The following ESRRB variants were observed in gnomAD, a reference collection of about 807,000 sequenced individuals.
ESRRB encodes the protein steroid hormone receptor ERR2.
In ESRRB, 16 loss-of-function variants were observed where a neutral mutation model predicts 46.0. That is an observed-to-expected ratio of 0.35 (90% CI 0.24 to 0.53). The LOEUF (loss-of-function observed/expected upper bound fraction) is 0.53, where lower values mean the gene tolerates loss of function less well. ESRRB is among the 20% of genes least tolerant of loss of function. The pLI, the probability that ESRRB is intolerant of heterozygous loss-of-function variation, is 0.93. For synonymous variants in ESRRB, 246 were observed against 259.6 expected (o/e 0.95, Z 0.50); for missense variants, 488 against 607.4 (o/e 0.80, Z 2.07).
At chr14:76,328,367 C>T (rs61979361) in intron 1 of ESRRB, among the ~76,000 whole-genome samples, 8,183 of 152,296 alleles carry the variant, frequency 0.054, 307 homozygotes, top group Middle Eastern at 0.14. Context: ...GATATACTGG[C>T]TGGGAGGTCC....
intron 1 of ESRRB, among the ~76,000 whole-genome samples, chr14:76,400,275 GAGATTT>G (rs1170658151): frequency 2.0e-5 from 3 of 152,196 alleles, no homozygotes; most frequent in African/African-American, 7.2e-5. Flanking sequence ...GGGAAAGGTA[GAGATTT>G]AGAAGTTTTG....
At chr14:76,429,289 G>A (rs117819846) in intron 1 of ESRRB, among the ~76,000 whole-genome samples, 1,573 of 152,252 alleles carry the variant, frequency 0.01, 15 homozygotes, top group Non-Finnish European at 0.015. Flanking sequence ...TTATCTGAAA[G>A]TCACCAGGGT....
intron 6 of ESRRB, among the ~76,000 whole-genome samples, chr14:76,492,085 A>C (rs144824279): frequency 1.3e-5 from 2 of 152,226 alleles, no homozygotes; most frequent in Non-Finnish European, 2.9e-5. Flanking sequence ...TCCCTACTCT[A>C]CAAGGCTATT....
At chr14:76,455,781 T>C (rs915469946) in intron 2 of ESRRB, among the ~76,000 whole-genome samples, 2 of 152,160 alleles carry the variant, frequency 1.3e-5, no homozygotes, top group Admixed American at 1.3e-4. Flanking sequence ...CAGTGGTTCA[T>C]GCCTGGAATC....
intron 1 of ESRRB, among the ~76,000 whole-genome samples, chr14:76,318,591 C>G (rs566170953): frequency 6.6e-6 from 1 of 152,342 alleles, no homozygotes; most frequent in East Asian, 1.9e-4. Flanking sequence ...CTCTCCACTT[C>G]ACACTCAGTT....
chr14:76,416,898 C>T (rs984778191), intron 1 of ESRRB, among the ~76,000 whole-genome samples: 1 of 152,100 alleles, frequency 6.6e-6, no homozygotes, highest in East Asian at 1.9e-4. Context: ...AGATGATAAA[C>T]GGAGAAGCAA....
At chr14:76,310,978 T>TTCTCTCCCTCTCTCTCTC (rs1883723952) in intron 1 of ESRRB, 3 of 323,508 alleles carry the variant, frequency 9.3e-6, no homozygotes, top group African/African-American at 5.7e-5. Flanking sequence ...TCTGTCCCCT[T>TTCTCTCCCTCTCTCTCTC]TCTCTCTCTC....
chr14:76,444,979 G>A (rs773748193), intron 2 of ESRRB, among the ~76,000 whole-genome samples: 1 of 151,558 alleles, frequency 6.6e-6, no homozygotes, highest in Admixed American at 6.6e-5. Context: ...CCCAGCTTGT[G>A]TAACAAAGCG....
chr14:76,408,857 T>C (rs1053997678), intron 1 of ESRRB, among the ~76,000 whole-genome samples: 1 of 152,194 alleles, frequency 6.6e-6, no homozygotes, highest in Non-Finnish European at 1.5e-5. Context: ...AAGAGCTCAC[T>C]TCCATTGAGC....
In ESRRB at chr14:76,376,183, C is replaced by T. The variant is rs1298896626; in HGVS notation, c.-219C>T. 7.6e-6 allele frequency: 3 copies of T among 392,716 alleles called. No homozygotes were observed. The highest frequency in any genetic ancestry group is 1.3e-5 in the Non-Finnish European group (3 of 223,244). 24.3% of individuals were successfully genotyped at this position (392,716 alleles called of 1,614,324 possible). ...CCTCCACGGCTTCGCATCCCCTCTGCCCGCTCTCTCCGGAGCGTGCGGATG... is the reference window on the plus strand; with the variant it reads ...CCTCCACGGCTTCGCATCCCCTCTGTCCGCTCTCTCCGGAGCGTGCGGATG... On this transcript the variant is annotated 5_prime_UTR_variant, in exon 1 of 7. Transcript: ENST00000644823. The surrounding 1 kb of genome is among the most constrained non-coding windows in gnomAD (Gnocchi z 4.1).
At chr14:76,329,633 C>T (rs1353065644) in intron 1 of ESRRB, among the ~76,000 whole-genome samples, 4 of 152,102 alleles carry the variant, frequency 2.6e-5, no homozygotes, top group Non-Finnish European at 5.9e-5. Context: ...AGCGCGGGCT[C>T]TCTTTTCTCC....
At chr14:76,475,301 T>A (rs1002716815) in intron 3 of ESRRB, among the ~76,000 whole-genome samples, 1 of 150,088 alleles carries the variant, frequency 6.7e-6, no homozygotes, top group African/African-American at 2.5e-5. Flanking sequence ...CCCAGTAGTT[T>A]GAGGTTGCAG....
Position 76,500,367 on chromosome 14 carries a change from G to A in ESRRB, c.*1909G>A, listed in dbSNP as rs746927057. Reference sequence around the variant, plus strand: ...CTGGAGCCGTTACCCAGGATGCTGCGGCCCTAGCCCTCCATGCAGCCCATC... The same window carrying A: ...CTGGAGCCGTTACCCAGGATGCTGCAGCCCTAGCCCTCCATGCAGCCCATC... On this transcript the variant is annotated 3_prime_UTR_variant, in exon 7 of 7. Transcript: ENST00000644823. 28 of 583,726 alleles carry A rather than the reference G, an allele frequency of 4.8e-5. No individual in the cohort carries two copies. Among genetic ancestry groups the A allele is most frequent in the African/African-American group, 9.3e-5 (5 of 53,674 alleles). 36.2% of individuals were successfully genotyped at this position (583,726 alleles called of 1,614,324 possible).
chr14:76,313,741 A>G (rs1405350481), intron 1 of ESRRB, among the ~76,000 whole-genome samples: 1 of 152,224 alleles, frequency 6.6e-6, no homozygotes, highest in African/African-American at 2.4e-5. Flanking sequence ...CTTCTACAGT[A>G]TATCTGTCCA....
rs111554793 is a variant in ESRRB at position 76,328,888 on chromosome 14, T to C, written c.2+17972T>C. Reference sequence around the variant, plus strand: ...GAGATCTCTTGAGGCAGGAACTATGTTGCAAATATTCAAAGGAATGCCCCC... The same window carrying C: ...GAGATCTCTTGAGGCAGGAACTATGCTGCAAATATTCAAAGGAATGCCCCC... On this transcript the variant is annotated intron_variant, in intron 1 of 6. Transcript: ENST00000512784. Among the ~76,000 whole-genome samples the C allele has an allele frequency of 7.9e-3, 1,205 of 152,292 alleles. 20 individuals carry two copies. The highest frequency in any genetic ancestry group is 0.027 in the African/African-American group (1,122 of 41,538).
At chr14:76,383,955 C>T (rs1005791335) in intron 1 of ESRRB, among the ~76,000 whole-genome samples, 1 of 152,094 alleles carries the variant, frequency 6.6e-6, no homozygotes, top group Non-Finnish European at 1.5e-5. Context: ...TATGAAGAAG[C>T]ACTAAACTTT....
At chr14:76,474,658 T>G (rs1047345779) in intron 3 of ESRRB, among the ~76,000 whole-genome samples, 3 of 152,022 alleles carry the variant, frequency 2.0e-5, no homozygotes, top group Non-Finnish European at 4.4e-5. Flanking sequence ...CTGGCCAACA[T>G]GGTGAAACCC....
rs1482135760 is a variant in ESRRB at position 76,501,125 on chromosome 14, TA to T, written c.*2670del. ...AGTGGAACAGATCTCAAGTTTACCCTAAACCTGCCATTTCTGGAAAATCTGT... is the reference window on the plus strand; with the variant it reads ...AGTGGAACAGATCTCAAGTTTACCCTAACCTGCCATTTCTGGAAAATCTGT... On this transcript the variant is annotated 3_prime_UTR_variant, in exon 7 of 7. Coordinates refer to ENST00000644823, the MANE Select transcript of ESRRB (RefSeq NM_001379180.1). The T allele has an allele frequency of 4.6e-6, 1 of 216,822 alleles. No homozygotes were observed. Among genetic ancestry groups the T allele is most frequent in the Non-Finnish European group, 9.2e-6 (1 of 108,458 alleles). 13.4% of individuals were successfully genotyped at this position (216,822 alleles called of 1,614,324 possible). A position where few individuals can be genotyped will look rare whatever the true frequency, so the allele number is the denominator to read the frequency against.
At chr14:76,346,068 C>T (rs1319412285) in intron 1 of ESRRB, among the ~76,000 whole-genome samples, 1 of 152,152 alleles carries the variant, frequency 6.6e-6, no homozygotes, top group Non-Finnish European at 1.5e-5. Flanking sequence ...CTTGGTGTTT[C>T]TTGGCCTGTA....
Sources: gnomAD v4.1 joint callset for allele counts (sites outside exome capture counted in the v4.1 genomes callset) on GRCh38, gnomAD v4.1.1 for gene constraint, Gnocchi (gnomAD v3.1) non-coding constraint, MANE v1.5 for transcripts, NCBI Gene and HGNC (gene_info 2026-07-23, HGNC 2026-07-21) for gene names.